CSMD2: variants seen among roughly 807,000 people sequenced by gnomAD.
CSMD2 encodes CUB and sushi domain-containing protein 2.
Under a neutral mutation model 398.5 loss-of-function variants are expected in CSMD2, and 130 were observed. The observed-to-expected ratio is 0.33, with a 90% CI of 0.28 to 0.38. The LOEUF (loss-of-function observed/expected upper bound fraction) is 0.38, where lower values mean the gene tolerates loss of function less well. Ranked by LOEUF, CSMD2 falls within the 10% of genes least tolerant of loss-of-function variation. The probability of loss-of-function intolerance (pLI) is 1.00; values close to 1 mark genes in which losing one functional copy is unlikely to be tolerated. For synonymous variants in CSMD2, 1,828 were observed against 1,908.5 expected (o/e 0.96, Z 1.10); for missense variants, 3,829 against 4,764.9 (o/e 0.80, Z 5.78).
chr1:34,054,099 G>T (rs1380309758), intron 2 of CSMD2, among the ~76,000 whole-genome samples: 2 of 152,148 alleles, frequency 1.3e-5, no homozygotes, highest in African/African-American at 4.8e-5. Context: ...TGGCGCATTT[G>T]TCAAGACTAA....
At chr1:33,574,000 G>T (rs1225302146) in intron 49 of CSMD2, among the ~76,000 whole-genome samples, 1 of 152,154 alleles carries the variant, frequency 6.6e-6, no homozygotes, top group Non-Finnish European at 1.5e-5. Context: ...AAAGATAATG[G>T]AACAAAGCTT....
chr1:33,738,946 A>T (rs575036970), intron 15 of CSMD2, among the ~76,000 whole-genome samples, 194 bp downstream of exon 15: 8 of 152,270 alleles, frequency 5.3e-5, no homozygotes, highest in African/African-American at 1.9e-4. Context: ...CTCTGGTTAT[A>T]ATTTAAATTC....
chr1:33,559,232 T>G lies in CSMD2; in HGVS notation c.8554+68A>C. On this transcript the variant is annotated intron_variant, in intron 54 of 70. Coordinates refer to ENST00000373381, the MANE Select transcript of CSMD2 (RefSeq NM_001281956.2). This position sits in a 1 kb window ranked among gnomAD's most constrained non-coding sequence, Gnocchi z 4.0. ...CCAGAATGAATTCACTGGCTTCTTT[T>G]TCTGAGCTACAGAACCACATATAGC... The G allele has an allele frequency of 7.1e-7, 1 of 1,410,840 alleles. No individual in the cohort carries two copies. Among genetic ancestry groups the G allele is most frequent in the African/African-American group, 1.4e-5 (1 of 70,644 alleles). The allele number at this position is 1,410,840 out of a possible 1,614,324, so 87.4% of individuals were successfully genotyped here. A position where few individuals can be genotyped will look rare whatever the true frequency, so the allele number is the denominator to read the frequency against.
rs200072338 is a variant in CSMD2, at chr1:33,725,463, C to A, written c.2581G>T (p.Val861Phe). The A allele has an allele frequency of 1.0e-4, 164 of 1,614,076 alleles. 1 individual carries two copies. The highest frequency in any genetic ancestry group is 6.7e-5 in the Admixed American group (4 of 60,012). The change falls in exon 17 of 71, where the codon GTT becomes TTT. Residue 861 changes from valine (V) to phenylalanine (F), a missense_variant. Around this residue, in one of 5 missense-constraint regions of CSMD2, gnomAD observed 2,001 missense variants for 2,567.1 expected, o/e 0.78. Transcript: ENST00000373381. ...GRTYSAPLIG[V>F]YHGTQVPQFL... ...TGGGGAACCTGGGTCCCGTGGTAAACCCCGATCAAGGGCGCTGAGTAAGTC... is the reference window on the plus strand; with the variant it reads ...TGGGGAACCTGGGTCCCGTGGTAAAACCCGATCAAGGGCGCTGAGTAAGTC...
chr1:34,036,030 A>G (rs1651080973), intron 2 of CSMD2, among the ~76,000 whole-genome samples: 1 of 152,130 alleles, frequency 6.6e-6, no homozygotes. Context: ...AATGCTGGTG[A>G]TGATACAGGA....
intron 1 of CSMD2, among the ~76,000 whole-genome samples, chr1:34,091,941 T>C (rs1166785829): frequency 6.6e-6 from 1 of 152,166 alleles, no homozygotes; most frequent in Admixed American, 6.5e-5. Context: ...AGCAAAATTA[T>C]GGTTTGTAGA....
intron 15 of CSMD2, 140 bp downstream of exon 15, chr1:33,739,000 G>A (rs1307776979): frequency 7.0e-6 from 5 of 714,836 alleles, no homozygotes; most frequent in Non-Finnish European, 9.1e-6. Flanking sequence ...TCCAGCATGA[G>A]GGTGAGAGAG....
rs372547996 is a variant in CSMD2 at position 33,684,592 on chromosome 1, C to A, written c.4052+8338G>T. Among the ~76,000 whole-genome samples, 5 of 152,346 alleles carry A rather than the reference C, an allele frequency of 3.3e-5. No individual in the cohort carries two copies. The South Asian group carries it at 1.0e-3, about 32-fold the overall frequency. On this transcript the variant is annotated intron_variant, in intron 25 of 70. Transcript: ENST00000373381. Reference sequence around the variant, plus strand: ...GCTCCTAGGCTCCTCCCTGGCTTCCCAGCCAATTTATCCTCTGCACTGCTG... The same window carrying A: ...GCTCCTAGGCTCCTCCCTGGCTTCCAAGCCAATTTATCCTCTGCACTGCTG...
chr1:34,141,399 G>T (rs1453196396), intron 1 of CSMD2, among the ~76,000 whole-genome samples: 2 of 152,174 alleles, frequency 1.3e-5, no homozygotes, highest in Non-Finnish European at 2.9e-5. Context: ...ATGTTGGGTG[G>T]TTCTAAGAAC....
intron 32 of CSMD2, among the ~76,000 whole-genome samples, chr1:33,632,194 A>C (rs931693372): frequency 5.9e-5 from 9 of 152,094 alleles, no homozygotes; most frequent in Non-Finnish European, 1.3e-4. Flanking sequence ...GAAACTAAGA[A>C]GTGAAAGAAA....
rs555397178 is a variant in CSMD2 at position 34,089,961 on chromosome 1, C to G, written c.188-768G>C. Among the ~76,000 whole-genome samples, 46 of 152,312 alleles carry G rather than the reference C, an allele frequency of 3.0e-4. 1 individual carries two copies. The South Asian group carries it at 9.3e-3, about 31-fold the overall frequency. Reference sequence around the variant, plus strand: ...AACACAATCTGTCTATACTTTCTGTCTCCATTTCCTTACTTCCCACTCACT... The same window carrying G: ...AACACAATCTGTCTATACTTTCTGTGTCCATTTCCTTACTTCCCACTCACT... On this transcript the variant is annotated intron_variant, in intron 1 of 70. Coordinates refer to ENST00000373381, the MANE Select transcript of CSMD2 (RefSeq NM_001281956.2).
At chr1:33,960,657 G>C (rs964568205) in intron 3 of CSMD2, among the ~76,000 whole-genome samples, 1 of 152,144 alleles carries the variant, frequency 6.6e-6, no homozygotes, top group East Asian at 1.9e-4. Context: ...GGCACCGCAC[G>C]CATTTCCCAT....
intron 32 of CSMD2, among the ~76,000 whole-genome samples, chr1:33,630,863 G>A (rs1642427242): frequency 6.6e-6 from 1 of 152,126 alleles, no homozygotes; most frequent in South Asian, 2.1e-4. Context: ...AAAAAGTAAT[G>A]ATGATGAACA....
chr1:33,615,195 G>A (rs1174490851), intron 39 of CSMD2, among the ~76,000 whole-genome samples: 1 of 152,210 alleles, frequency 6.6e-6, no homozygotes, highest in East Asian at 1.9e-4. Context: ...CAACCACCAG[G>A]CTGTCTGAGT....
At chr1:33,905,002 C>T (rs182741427) in intron 5 of CSMD2, among the ~76,000 whole-genome samples, 1 of 151,912 alleles carries the variant, frequency 6.6e-6, no homozygotes, top group East Asian at 1.9e-4. Flanking sequence ...ACAGGGTCTC[C>T]CTATGTTGCT....
intron 12 of CSMD2, among the ~76,000 whole-genome samples, chr1:33,784,513 C>A (rs534522641): frequency 6.6e-6 from 1 of 152,352 alleles, no homozygotes; most frequent in Admixed American, 6.5e-5. Flanking sequence ...CAGGTTCCAA[C>A]GCACTGTGAG....
At chr1:33,986,859 C>A (rs916386900) in intron 3 of CSMD2, among the ~76,000 whole-genome samples, 2 of 152,218 alleles carry the variant, frequency 1.3e-5, no homozygotes, top group African/African-American at 4.8e-5. Flanking sequence ...AAGGCACGGA[C>A]ATGCAGCCCC....
intron 44 of CSMD2, chr1:33,591,897 T>C: frequency 6.1e-6 from 1 of 163,522 alleles, no homozygotes; most frequent in Non-Finnish European, 1.3e-5. Flanking sequence ...TCTCTGAGTA[T>C]ACACTTTAAA....
intron 55 of CSMD2, among the ~76,000 whole-genome samples, chr1:33,552,605 A>G (rs576989906): frequency 7.9e-5 from 12 of 152,368 alleles, no homozygotes; most frequent in African/African-American, 2.9e-4. Context: ...GTATTTGGCC[A>G]AAAGGAATAA....
Sources: allele counts gnomAD v4.1 joint callset (sites outside exome capture counted in the v4.1 genomes callset), GRCh38; gene constraint gnomAD v4.1.1; regional missense constraint gnomAD v4.1.1; non-coding constraint Gnocchi (gnomAD v3.1); transcripts MANE v1.5; gene names NCBI Gene and HGNC (gene_info 2026-07-23, HGNC 2026-07-21).